Variants in ZC3H12B observed in about 807,000 individuals in gnomAD.
ZC3H12B encodes the protein probable ribonuclease ZC3H12B.
ZC3H12B carries 7 observed loss-of-function variants against 43.9 expected under a neutral mutation model. The observed-to-expected ratio is 0.16, with a 90% CI of 0.09 to 0.30. The LOEUF is 0.30. ZC3H12B is among the 10% of genes least tolerant of loss of function. The pLI is 1.00. For synonymous variants in ZC3H12B, 222 were observed against 241.7 expected, an observed-to-expected ratio of 0.92 and a Z score of 0.76; for missense variants, 475 against 670.2, an observed-to-expected ratio of 0.71 and a Z score of 3.22.
At chrX:65,237,353 T>C in the ZC3H12B span, among the ~76,000 whole-genome samples, 1 of 111,416 alleles carries the variant, frequency 9.0e-6, no homozygotes, top group East Asian at 2.8e-4. Flanking sequence ...TCATTTGTGG[T>C]TTCACTCTCT....
chrX:65,093,650 C>CT, the ZC3H12B span, among the ~76,000 whole-genome samples: 65 of 112,003 alleles, frequency 5.8e-4, no homozygotes, highest in South Asian at 7.8e-3. Context: ...GTAGCCCCGC[C>CT]TTTTTTTGGC....
chrX:65,111,544 T>A, the ZC3H12B span, among the ~76,000 whole-genome samples: 4 of 91,855 alleles, frequency 4.4e-5, no homozygotes, highest in Non-Finnish European at 7.6e-5. Context: ...TTTATTTTTT[T>A]ATTTTTTTAT....
chrX:65,230,066 C>T, the ZC3H12B span, among the ~76,000 whole-genome samples: 256 of 111,132 alleles, frequency 2.3e-3, 1 homozygote, highest in African/African-American at 7.8e-3. Flanking sequence ...AATCTTGCTG[C>T]TATAAAGACA....
chrX:65,204,149 T>G, the ZC3H12B span, among the ~76,000 whole-genome samples: 1 of 110,305 alleles, frequency 9.1e-6, no homozygotes, highest in Non-Finnish European at 1.9e-5. Flanking sequence ...CTGTATTTTC[T>G]ACCCTCTTCA....
chrX:65,149,561 G>T, the ZC3H12B span, among the ~76,000 whole-genome samples: 1 of 109,510 alleles, frequency 9.1e-6, no homozygotes, highest in Non-Finnish European at 1.9e-5. Flanking sequence ...GTCAGATCAA[G>T]ACCATCCTGG....
the ZC3H12B span, chrX:65,185,712 A>AT: frequency 8.9e-6 from 1 of 111,744 alleles, no homozygotes; most frequent in African/African-American, 3.2e-5. Context: ...GTAGAGTTGG[A>AT]TTTTTTATGA....
chrX:65,289,980 G>A, the ZC3H12B span, among the ~76,000 whole-genome samples: 1 of 110,252 alleles, frequency 9.1e-6, no homozygotes, highest in Non-Finnish European at 1.9e-5. Context: ...ATAGAGAAAT[G>A]GGGCTTAAAC....
the ZC3H12B span, among the ~76,000 whole-genome samples, chrX:65,041,791 A>G: frequency 8.9e-6 from 1 of 112,101 alleles, no homozygotes; most frequent in Non-Finnish European, 1.9e-5. Flanking sequence ...TAATAATCAT[A>G]TAATGAGTGC....
the ZC3H12B span, among the ~76,000 whole-genome samples, chrX:65,165,907 C>A: frequency 8.9e-6 from 1 of 112,310 alleles, no homozygotes; most frequent in East Asian, 2.8e-4. Context: ...TTTACACTTT[C>A]ACCAACATTG....
chrX:65,269,409 C>T, the ZC3H12B span, among the ~76,000 whole-genome samples: 1 of 109,482 alleles, frequency 9.1e-6, no homozygotes, highest in African/African-American at 3.3e-5. Flanking sequence ...TATCTCTATA[C>T]ACAAATAATG....
At chrX:65,180,682 A>G in the ZC3H12B span, among the ~76,000 whole-genome samples, 1 of 111,323 alleles carries the variant, frequency 9.0e-6, no homozygotes, top group Non-Finnish European at 1.9e-5. Flanking sequence ...AAACAGCATA[A>G]AATACTAGGA....
chrX:65,341,798 A>C, the ZC3H12B span, among the ~76,000 whole-genome samples: 2 of 106,947 alleles, frequency 1.9e-5, no homozygotes, highest in Non-Finnish European at 3.9e-5. Flanking sequence ...AGCAACCACA[A>C]AAAAAAAAAA....
the ZC3H12B span, among the ~76,000 whole-genome samples, chrX:65,047,606 A>G: frequency 9.0e-6 from 1 of 111,250 alleles, no homozygotes; most frequent in African/African-American, 3.3e-5. Context: ...TATTTCATGA[A>G]TATTATATAA....
chrX:65,379,640 C>G (rs1242525018), intron 2 of ZC3H12B, among the ~76,000 whole-genome samples: 1 of 112,405 alleles, frequency 8.9e-6, no homozygotes, highest in Non-Finnish European at 1.9e-5. Context: ...AAGAAGGCTT[C>G]AGATGATCAA....
intron 3 of ZC3H12B, among the ~76,000 whole-genome samples, chrX:65,470,867 T>A (rs780649066): frequency 8.9e-6 from 1 of 112,464 alleles, no homozygotes; most frequent in Admixed American, 9.5e-5. Context: ...TGACTTCTAG[T>A]TTTTTTCTAC....
chrX:65,505,416 T>A (rs1322006388), exon 5 of ZC3H12B: 1 of 112,764 alleles, frequency 8.9e-6, no homozygotes, highest in African/African-American at 3.2e-5. Flanking sequence ...TTAACCAATG[T>A]TTCACTTGAG....
At chrX:65,505,683 C>T (rs1441324726) in exon 5 of ZC3H12B, 2 of 111,937 alleles carry the variant, frequency 1.8e-5, no homozygotes, top group Non-Finnish European at 3.8e-5. Context: ...GTTCATCTTC[C>T]TACCAAGATC....
the ZC3H12B span, among the ~76,000 whole-genome samples, chrX:65,122,075 T>C: frequency 2.7e-5 from 3 of 111,180 alleles, no homozygotes; most frequent in East Asian, 8.5e-4. Flanking sequence ...AACTGTGTGG[T>C]CAGTTTTGGA....
the ZC3H12B span, among the ~76,000 whole-genome samples, chrX:65,227,553 G>A: frequency 8.4e-4 from 93 of 110,698 alleles, no homozygotes; most frequent in African/African-American, 2.1e-3. Context: ...TGAAGGAAAT[G>A]GAGACACAAA....
Sources: allele counts gnomAD v4.1 joint callset (sites outside exome capture counted in the v4.1 genomes callset), GRCh38; gene constraint gnomAD v4.1.1; transcripts MANE v1.5; gene names NCBI Gene and HGNC (gene_info 2026-07-23, HGNC 2026-07-21).